The following ARHGEF1 variants were observed in gnomAD, a reference collection of about 807,000 sequenced individuals.
The protein encoded by ARHGEF1 is 115 kDa guanine nucleotide exchange factor.
Under a neutral mutation model 119.7 loss-of-function variants are expected in ARHGEF1, and 40 were observed. The ratio of observed to expected loss-of-function variants is 0.33; its 90% CI spans 0.26 to 0.44. The LOEUF is 0.44. Ranked by LOEUF, ARHGEF1 falls within the 20% of genes least tolerant of loss-of-function variation. The pLI is 1.00. For missense variants in ARHGEF1, 976 were observed against 1,268.3 expected, an observed-to-expected ratio of 0.77 and a Z score of 3.50; for synonymous variants, 494 against 521.0, an observed-to-expected ratio of 0.95 and a Z score of 0.71.
At position 41,905,867 on chromosome 19, in the gene ARHGEF1, G is replaced by A. The variant is rs779264340; in HGVS notation, c.2404+40G>A. ...ATGCTGGGTGAGGGGCCAGGTTGGG[G>A]CTGCCGGGTGAAGAGAGGCATCCAC... On this transcript the variant is annotated intron_variant, in intron 25 of 28. Coordinates refer to ENST00000354532, the MANE Select transcript of ARHGEF1 (RefSeq NM_004706.4). The surrounding 1 kb of genome is among the most constrained non-coding windows in gnomAD (Gnocchi z 6.4). The A allele has an allele frequency of 5.0e-6, 8 of 1,613,810 alleles. No individual in the cohort carries two copies. The highest frequency in any genetic ancestry group is 5.1e-6 in the Non-Finnish European group (6 of 1,179,726).
At chr19:41,894,804 G>A (rs1555847190) in intron 11 of ARHGEF1, 143 bp downstream of exon 11, 2 of 987,258 alleles carry the variant, frequency 2.0e-6, no homozygotes, top group Admixed American at 2.1e-5. Flanking sequence ...TGGACACCTG[G>A]GTCTGAGGGA....
At chr19:41,900,321 A>G (rs1555848783) in intron 14 of ARHGEF1, among the ~76,000 whole-genome samples, 2 of 152,188 alleles carry the variant, frequency 1.3e-5, no homozygotes, top group African/African-American at 4.8e-5. Flanking sequence ...AATCTAGGTG[A>G]CAGAGCAAGA....
rs1465862872 is a variant in ARHGEF1 at position 41,914,890 on chromosome 19, ATCTCTG to A, written c.1865+8099_1865+8104del. 4.1e-3 allele frequency among the ~76,000 whole-genome samples: 54 copies of A among 13,098 alleles called. 1 individual carries two copies. In the African/African-American group the frequency reaches 0.055, roughly 13 times the overall value. The allele number at this position is 13,098 out of a possible 152,430, so 8.6% of individuals were successfully genotyped here. On this transcript the variant is annotated intron_variant, in intron 18 of 20. Transcript: ENST00000599589. ...TCTCTGTCTCTCCCTCCCCTCCATC[ATCTCTG>A]TCTCTGTCTCTCCCTCCCCCTCCAC...
At chr19:41,913,309 C>T (rs1030904863) in intron 18 of ARHGEF1, among the ~76,000 whole-genome samples, 3 of 150,826 alleles carry the variant, frequency 2.0e-5, no homozygotes, top group African/African-American at 7.3e-5. Context: ...TCTCTGCTGC[C>T]GTCTCCCGTC....
Position 41,892,328 on chromosome 19 carries a change from C to T in ARHGEF1, c.325-3C>T, listed in dbSNP as rs782033715. ...TCTTCACCCCATTCTCTCTCTTGAG[C>T]AGGTTCTCCGGGTGCCGGTCCCTCC... On this transcript the variant is annotated splice_polypyrimidine_tract_variant and splice_region_variant and intron_variant, in intron 5 of 28. Transcript: ENST00000354532. This position sits in a 1 kb window ranked among gnomAD's most constrained non-coding sequence, Gnocchi z 6.3. 1.9e-6 allele frequency: 3 copies of T among 1,613,942 alleles called. No individual in the cohort carries two copies. The highest frequency in any genetic ancestry group is 2.2e-5 in the East Asian group (1 of 44,878).
rs1358027936 is a variant in ARHGEF1, at chr19:41,884,283, C to T, written c.-20+994C>T. The T allele has an allele frequency of 4.9e-6, 4 of 823,278 alleles. No homozygotes were observed. The Admixed American group carries it at 1.0e-4, about 21-fold the overall frequency. 51.0% of individuals were successfully genotyped at this position (823,278 alleles called of 1,614,324 possible). ...CTGGCCTGCGTGGCGCAGTACAGCG[C>T]TAGAGCGGCCGGCGGGAGGAGTAGA... On this transcript the variant is annotated intron_variant, in intron 1 of 28. Transcript: ENST00000354532.
Position 41,905,511 on chromosome 19 carries a change from G to A in ARHGEF1, c.2337-249G>A. ...TGTGTATGCATATGTGTGCATGCGT[G>A]TGACAGCATGTGCATGCATGTGTGT... is the stretch of plus-strand genomic sequence containing the variant. On this transcript the variant is annotated intron_variant, in intron 24 of 28. Coordinates refer to ENST00000354532, the MANE Select transcript of ARHGEF1 (RefSeq NM_004706.4). The surrounding 1 kb of genome is among the most constrained non-coding windows in gnomAD (Gnocchi z 6.4). 1.6e-6 allele frequency: 1 copy of A among 612,668 alleles called. No homozygotes were observed. Among genetic ancestry groups the A allele is most frequent in the South Asian group, 2.0e-5 (1 of 50,916 alleles). The allele number at this position is 612,668 out of a possible 1,614,324, so 38.0% of individuals were successfully genotyped here.
intron 12 of ARHGEF1, 142 bp from the exon 13 acceptor site, chr19:41,896,235 C>A (rs765488976): frequency 1.1e-5 from 5 of 449,546 alleles, no homozygotes; most frequent in Non-Finnish European, 1.6e-5. Flanking sequence ...AACATCTGTC[C>A]GTCCCGTGCT....
At chr19:41,896,779 C>T (rs1467913675) in intron 13 of ARHGEF1, 2 of 515,888 alleles carry the variant, frequency 3.9e-6, no homozygotes, top group African/African-American at 6.4e-5. Flanking sequence ...CCTTCCATCT[C>T]CTTTATTTCC....
At chr19:41,912,192 AAGAC>A (rs2074756442), downstream of ARHGEF1, among the ~76,000 whole-genome samples, 2 of 152,176 alleles carry the variant, frequency 1.3e-5, no homozygotes, top group African/African-American at 2.4e-5. Context: ...AGCTCACACA[AAGAC>A]AGGCTGTGCA....
chr19:41,909,316 C>A (rs905767030), downstream of ARHGEF1: 12 of 1,234,980 alleles, frequency 9.7e-6, no homozygotes, highest in Admixed American at 1.3e-4. The surrounding 1 kb of genome is among the most constrained non-coding windows in gnomAD (Gnocchi z 5.2). Context: ...TGGGGCCCCC[C>A]CAAAGGGACT....
Position 41,905,335 on chromosome 19 carries a change from C to T in ARHGEF1, c.2336+74C>T, listed in dbSNP as rs1335861387. ...AGGCGGGGCAGGCTTCCCTCCACAA[C>T]TCCAGAACCGTCTCTGTGTGAGCAT... is the stretch of plus-strand genomic sequence containing the variant. On this transcript the variant is annotated intron_variant, in intron 24 of 28. Transcript: ENST00000354532. This position sits in a 1 kb window ranked among gnomAD's most constrained non-coding sequence, Gnocchi z 6.4. 1 of 1,324,682 alleles carries T rather than the reference C, an allele frequency of 7.5e-7. No individual in the cohort carries two copies. The highest frequency in any genetic ancestry group is 1.3e-5 in the South Asian group (1 of 75,218). The allele number at this position is 1,324,682 out of a possible 1,614,324, so 82.1% of individuals were successfully genotyped here. A position where few individuals can be genotyped will look rare whatever the true frequency, so the allele number is the denominator to read the frequency against.
chr19:41,917,009 G>GGT lies in ARHGEF1; in HGVS notation c.1866-6067_1866-6066dup, dbSNP rs782321934. On this transcript the variant is annotated intron_variant, in intron 18 of 20. Transcript: ENST00000599589. This position sits in a 1 kb window ranked among gnomAD's most constrained non-coding sequence, Gnocchi z 4.8. ...AACTTCCCAAGCATGTCTCTGCATG[G>GGT]GTGTGTGTGTGTGTGTGCACATATG... Among the ~76,000 whole-genome samples the GGT allele has an allele frequency of 2.0e-3, 267 of 132,184 alleles. No homozygotes were observed. Among genetic ancestry groups the GGT allele is most frequent in the Middle Eastern group, 0.011 (3 of 272 alleles). 86.7% of individuals were successfully genotyped at this position (132,184 alleles called of 152,430 possible).
In ARHGEF1 at chr19:41,917,475, GC is replaced by G. The variant is rs1359076430; in HGVS notation, c.1866-5610del. Among the ~76,000 whole-genome samples the G allele has an allele frequency of 1.3e-5, 2 of 148,750 alleles. No individual in the cohort carries two copies. Among genetic ancestry groups the G allele is most frequent in the Non-Finnish European group, 3.0e-5 (2 of 66,592 alleles). ...ACCAGCCCCTTCATCCCTCACCCAG[GC>G]CCCCCCATCCCCACCTCCCCTTAAC... On this transcript the variant is annotated intron_variant, in intron 18 of 20. Coordinates refer to the ARHGEF1 transcript ENST00000599589. This position sits in a 1 kb window ranked among gnomAD's most constrained non-coding sequence, Gnocchi z 4.8.
Position 41,888,143 on chromosome 19 carries a change from G to A in ARHGEF1, c.24+37G>A, listed in dbSNP as rs1555845541. ...GAGCAAGGGGTGAGGCGACTCTGGGGCTGTGGGTGGAGAGTCCTGTGGACT... is the reference window on the plus strand; with the variant it reads ...GAGCAAGGGGTGAGGCGACTCTGGGACTGTGGGTGGAGAGTCCTGTGGACT... On this transcript the variant is annotated intron_variant, in intron 2 of 28. Coordinates refer to ENST00000354532, the MANE Select transcript of ARHGEF1 (RefSeq NM_004706.4). The surrounding 1 kb of genome is among the most constrained non-coding windows in gnomAD (Gnocchi z 5.1). The A allele has an allele frequency of 6.2e-7, 1 of 1,614,046 alleles. No homozygotes were observed. The highest frequency in any genetic ancestry group is 8.5e-7 in the Non-Finnish European group (1 of 1,179,964).
chr19:41,898,689 C>A, intron 14 of ARHGEF1, 102 bp downstream of exon 14: 1 of 1,407,660 alleles, frequency 7.1e-7, no homozygotes. Context: ...TGTCATTTAC[C>A]ATCGGGAGAA....
intron 18 of ARHGEF1, among the ~76,000 whole-genome samples, chr19:41,914,574 C>CCCTCCCCCTCCACCATCTCCGTCTCT (rs1568831580): frequency 5.6e-5 from 1 of 17,932 alleles, no homozygotes; most frequent in Non-Finnish European, 1.2e-4. Flanking sequence ...TCTCTGTCTC[C>CCCTCCCCCTCCACCATCTCCGTCTCT]GTCTCTCCCT....
In ARHGEF1 at chr19:41,906,714, G is replaced by A; in HGVS notation, c.2667G>A (p.Glu889=). ...CCCCACCCCACCAGGAGTTGGAGGA[G>A]GAATTTTGCCGCCTGAGACCCCTCC... The part of the protein sequence containing the change: ...ETMKQLEELE[E]EFCRLRPLLS... Residue 889 remains glutamate, a synonymous_variant, in exon 28 of 29, where the codon GAG becomes GAA. Coordinates refer to ENST00000354532, the MANE Select transcript of ARHGEF1 (RefSeq NM_004706.4). The surrounding 1 kb of genome is among the most constrained non-coding windows in gnomAD (Gnocchi z 4.5). The A allele has an allele frequency of 1.2e-6, 2 of 1,609,104 alleles. No individual in the cohort carries two copies. The highest frequency in any genetic ancestry group is 1.3e-5 in the African/African-American group (1 of 74,622).
At position 41,892,344 on chromosome 19, in the gene ARHGEF1, C is replaced by T. The variant is rs782695745; in HGVS notation, c.338C>T (p.Pro113Leu). 21 of 1,614,022 alleles carry T rather than the reference C, an allele frequency of 1.3e-5. No homozygotes were observed. Among genetic ancestry groups the T allele is most frequent in the South Asian group, 5.5e-5 (5 of 91,088 alleles). Residue 113 changes from proline to leucine, a missense_variant, in exon 6 of 29, where the codon CCG becomes CTG. This residue lies in a region of ARHGEF1 where 519 missense variants were observed against 580.9 expected (regional missense o/e 0.89). Transcript: ENST00000354532. The surrounding 1 kb of genome is among the most constrained non-coding windows in gnomAD (Gnocchi z 6.3). ...TCTCTTGAGCAGGTTCTCCGGGTGC[C>T]GGTCCCTCCCAACGTCGCCTTTGAA... The part of the protein sequence containing the change: ...FLEKTAVLRV[P>L]VPPNVAFELD...
Sources: gnomAD v4.1 joint callset for allele counts (sites outside exome capture counted in the v4.1 genomes callset) on GRCh38, gnomAD v4.1.1 for gene constraint, gnomAD v4.1.1 regional missense constraint, Gnocchi (gnomAD v3.1) non-coding constraint, MANE v1.5 for transcripts, NCBI Gene and HGNC (gene_info 2026-07-23, HGNC 2026-07-21) for gene names.